AGBL4: variants seen among roughly 807,000 people sequenced by gnomAD.
AGBL4 encodes AGBL carboxypeptidase 4, also known as cytosolic carboxypeptidase 6.
Under a neutral mutation model 66.4 loss-of-function variants are expected in AGBL4, and 58 were observed. That is an observed-to-expected ratio of 0.87 (90% CI 0.71 to 1.09). The LOEUF (loss-of-function observed/expected upper bound fraction) is 1.09, where lower values mean the gene tolerates loss of function less well. Ranked by LOEUF, AGBL4 falls within the 50% of genes least tolerant of loss-of-function variation. The pLI, the probability that AGBL4 is intolerant of heterozygous loss-of-function variation, is 0.00. For missense variants in AGBL4, 579 were observed against 631.0 expected, an observed-to-expected ratio of 0.92 and a Z score of 0.88; for synonymous variants, 234 against 222.9, an observed-to-expected ratio of 1.05 and a Z score of -0.44.
chr1:48,801,735 G>A (rs549003018), intron 6 of AGBL4, among the ~76,000 whole-genome samples: 10 of 152,172 alleles, frequency 6.6e-5, no homozygotes, highest in Admixed American at 2.6e-4. Flanking sequence ...ATGGCAAGCC[G>A]CTTCCTCCAC....
chr1:49,129,534 A>G (rs1427016361), intron 4 of AGBL4, among the ~76,000 whole-genome samples: 57 of 151,642 alleles, frequency 3.8e-4, no homozygotes, highest in African/African-American at 1.3e-3. Flanking sequence ...TCATTGTTCA[A>G]TTCCCACCTA....
intron 4 of AGBL4, among the ~76,000 whole-genome samples, chr1:49,204,258 CTATT>C (rs1447222751): frequency 6.6e-6 from 1 of 151,940 alleles, no homozygotes; most frequent in African/African-American, 2.4e-5. Flanking sequence ...TAACTGGAAA[CTATT>C]TATCTATTTT....
intron 4 of AGBL4, among the ~76,000 whole-genome samples, chr1:49,171,575 T>C (rs1053594323): frequency 6.6e-6 from 1 of 152,228 alleles, no homozygotes; most frequent in African/African-American, 2.4e-5. Flanking sequence ...TTCTAACTAT[T>C]AGAAGTGAAG....
chr1:49,249,842 G>A (rs1007366002), intron 3 of AGBL4, among the ~76,000 whole-genome samples: 1 of 151,926 alleles, frequency 6.6e-6, no homozygotes, highest in African/African-American at 2.4e-5. Flanking sequence ...ATGGATGAAT[G>A]GATAAAAAAT....
intron 11 of AGBL4, among the ~76,000 whole-genome samples, chr1:48,577,131 TA>T (rs1644666772): frequency 6.6e-6 from 1 of 152,240 alleles, no homozygotes. Context: ...CTTGGACTGA[TA>T]AAAGTTAGGC....
intron 6 of AGBL4, among the ~76,000 whole-genome samples, chr1:48,812,099 C>A (rs1439387929): frequency 1.3e-5 from 2 of 152,088 alleles, no homozygotes; most frequent in Non-Finnish European, 2.9e-5. Context: ...AAGTGTGGGT[C>A]TGTTGTGTGG....
chr1:49,424,147 C>A (rs1454912623), intron 3 of AGBL4, among the ~76,000 whole-genome samples: 1 of 152,130 alleles, frequency 6.6e-6, no homozygotes, highest in Non-Finnish European at 1.5e-5. Context: ...CTAAGAGAAC[C>A]AAGATCTATG....
chr1:49,609,774 AT>A (rs1275854694), intron 3 of AGBL4, among the ~76,000 whole-genome samples: 3 of 152,070 alleles, frequency 2.0e-5, no homozygotes, highest in African/African-American at 7.2e-5. Flanking sequence ...CCTGGTGTCT[AT>A]TGTTTGCTTT....
chr1:49,743,628 C>T (rs1355286472), intron 2 of AGBL4, among the ~76,000 whole-genome samples: 7 of 152,014 alleles, frequency 4.6e-5, no homozygotes, highest in Non-Finnish European at 8.8e-5. Context: ...GCACTATTCA[C>T]AATAGCAAAG....
intron 3 of AGBL4, among the ~76,000 whole-genome samples, chr1:49,512,359 T>C (rs923768571): frequency 1.3e-5 from 2 of 151,998 alleles, no homozygotes; most frequent in African/African-American, 4.8e-5. Flanking sequence ...ATATTAATAC[T>C]TGCCTCATAG....
chr1:49,217,346 T>C (rs1459505062), intron 4 of AGBL4, among the ~76,000 whole-genome samples: 1 of 152,142 alleles, frequency 6.6e-6, no homozygotes, highest in African/African-American at 2.4e-5. Context: ...TAATTTGCTC[T>C]TTTACATTTC....
intron 4 of AGBL4, among the ~76,000 whole-genome samples, chr1:49,162,875 C>A (rs1646565296): frequency 6.6e-6 from 1 of 152,092 alleles, no homozygotes; most frequent in African/African-American, 2.4e-5. Context: ...AATAGAAAAT[C>A]AATAACTATG....
intron 3 of AGBL4, among the ~76,000 whole-genome samples, chr1:49,658,179 C>T (rs929711498): frequency 5.3e-5 from 8 of 152,096 alleles, no homozygotes; most frequent in African/African-American, 1.7e-4. Context: ...CAAACAACCC[C>T]ATCAAAAAGT....
intron 1 of AGBL4, among the ~76,000 whole-genome samples, chr1:49,999,668 C>T (rs1244657055): frequency 6.6e-6 from 1 of 151,998 alleles, no homozygotes; most frequent in Admixed American, 6.6e-5. Context: ...ATCTTAGTAC[C>T]CAACCTCAAA....
At position 49,262,183 on chromosome 1, in the gene AGBL4, T is replaced by G. The variant is rs577545726; in HGVS notation, c.283-16319A>C. Among the ~76,000 whole-genome samples the G allele has an allele frequency of 1.4e-3, 213 of 152,000 alleles. 2 individuals are homozygous for G. The highest frequency in any genetic ancestry group is 8.5e-3 in the South Asian group (41 of 4,806). ...TTCAAGATGGATTAAAGACTTAAAC[T>G]TTAGACCTAAAACCATAAAAACCCT... On this transcript the variant is annotated intron_variant, in intron 3 of 13. Coordinates refer to ENST00000371839, the MANE Select transcript of AGBL4 (RefSeq NM_032785.4).
intron 6 of AGBL4, chr1:48,761,561 T>C (rs1206624252): frequency 3.8e-5 from 51 of 1,326,888 alleles, no homozygotes; most frequent in Non-Finnish European, 5.1e-5. Flanking sequence ...TGCTAGAAAA[T>C]AATTGAGGCC....
intron 3 of AGBL4, among the ~76,000 whole-genome samples, chr1:49,450,101 T>C (rs1257473531): frequency 6.6e-6 from 1 of 152,116 alleles, no homozygotes; most frequent in Non-Finnish European, 1.5e-5. Flanking sequence ...AATTTTTAAA[T>C]ATTTGATGTA....
intron 3 of AGBL4, among the ~76,000 whole-genome samples, chr1:49,512,862 A>G (rs1465531614): frequency 6.6e-6 from 1 of 151,972 alleles, no homozygotes; most frequent in Non-Finnish European, 1.5e-5. Flanking sequence ...GACCAAAAAA[A>G]AAGTAGAATA....
intron 3 of AGBL4, among the ~76,000 whole-genome samples, chr1:49,662,105 C>A (rs1414955758): frequency 6.6e-6 from 1 of 151,162 alleles, no homozygotes; most frequent in African/African-American, 2.4e-5. Flanking sequence ...AAATCTATAA[C>A]ATGGGTGGAG....
Sources: gnomAD v4.1 joint callset for allele counts (sites outside exome capture counted in the v4.1 genomes callset) on GRCh38, gnomAD v4.1.1 for gene constraint, MANE v1.5 for transcripts, NCBI Gene and HGNC (gene_info 2026-07-23, HGNC 2026-07-21) for gene names.